TOX2: variants seen among roughly 807,000 people sequenced by gnomAD.
TOX2 encodes the protein TOX high mobility group box family member 2.
A neutral mutation model predicts 47.4 loss-of-function variants in TOX2; 15 were observed. The ratio of observed to expected loss-of-function variants is 0.32; its 90% CI spans 0.21 to 0.49. TOX2 has a LOEUF of 0.49. Ranked by LOEUF, TOX2 falls within the 20% of genes least tolerant of loss-of-function variation. TOX2 has a pLI of 0.99. For missense variants in TOX2, 622 were observed against 673.1 expected, an observed-to-expected ratio of 0.92 and a Z score of 0.84; for synonymous variants, 290 against 296.6, an observed-to-expected ratio of 0.98 and a Z score of 0.23.
chr20:44,024,909 CAGTG>C (rs2071036230), intron 3 of TOX2, among the ~76,000 whole-genome samples: 1 of 152,070 alleles, frequency 6.6e-6, no homozygotes, highest in African/African-American at 2.4e-5. Context: ...CTGTACTTTC[CAGTG>C]TGTTCTATTG....
chr20:43,927,630 T>TCC (rs1569003481), intron 1 of TOX2, among the ~76,000 whole-genome samples: 2 of 127,198 alleles, frequency 1.6e-5, no homozygotes, highest in African/African-American at 6.1e-5. Context: ...CCTTCCTCCT[T>TCC]CCTTCCTTCC....
intron 2 of TOX2, among the ~76,000 whole-genome samples, chr20:43,991,862 T>G (rs897488101): frequency 1.3e-4 from 20 of 152,162 alleles, no homozygotes; most frequent in African/African-American, 4.6e-4. Context: ...AACGCTGGTC[T>G]TGAACTCCTG....
chr20:43,959,096 G>A (rs948969424), intron 1 of TOX2, among the ~76,000 whole-genome samples: 1 of 152,222 alleles, frequency 6.6e-6, no homozygotes, highest in Non-Finnish European at 1.5e-5. Flanking sequence ...GTGGCTCTCT[G>A]CCTGGGAAGG....
intron 1 of TOX2, among the ~76,000 whole-genome samples, chr20:43,959,240 A>G (rs2069717401): frequency 6.6e-6 from 1 of 152,220 alleles, no homozygotes; most frequent in Non-Finnish European, 1.5e-5. Flanking sequence ...GCCCACTGCC[A>G]TGCAGCAGCT....
intron 1 of TOX2, among the ~76,000 whole-genome samples, chr20:43,967,397 G>A (rs2069875776): frequency 6.6e-6 from 1 of 152,128 alleles, no homozygotes; most frequent in Non-Finnish European, 1.5e-5. Flanking sequence ...TGTGAATCGA[G>A]TGAGAAGGAA....
intron 4 of TOX2, among the ~76,000 whole-genome samples, chr20:44,052,639 A>G (rs146129097): frequency 6.6e-6 from 1 of 152,340 alleles, no homozygotes; most frequent in Non-Finnish European, 1.5e-5. Flanking sequence ...TGCTCTAAAC[A>G]CATAACAAGT....
chr20:44,037,045 C>T (rs184592816), intron 3 of TOX2, among the ~76,000 whole-genome samples: 1 of 152,328 alleles, frequency 6.6e-6, no homozygotes, highest in African/African-American at 2.4e-5. Flanking sequence ...ACCTCTACCT[C>T]CCGGGTTCAA....
intron 3 of TOX2, among the ~76,000 whole-genome samples, chr20:44,012,188 C>T (rs772408548): frequency 2.0e-5 from 3 of 152,152 alleles, no homozygotes; most frequent in African/African-American, 7.2e-5. Flanking sequence ...CAAAGAAACT[C>T]GAAGAGTGGA....
At chr20:44,045,481 C>G (rs1279841785) in intron 3 of TOX2, among the ~76,000 whole-genome samples, 1 of 152,210 alleles carries the variant, frequency 6.6e-6, no homozygotes, top group African/African-American at 2.4e-5. Context: ...CAGTTTTCCA[C>G]ACTGTGTGTA....
At chr20:44,066,223 C>G in intron 7 of TOX2, 116 bp downstream of exon 7, 1 of 1,142,466 alleles carries the variant, frequency 8.8e-7, no homozygotes, top group South Asian at 1.7e-5. Context: ...GCCTTGGCAC[C>G]TGACCTCTCT....
chr20:43,961,350 A>AG (rs775381856), intron 1 of TOX2, among the ~76,000 whole-genome samples: 1 of 152,054 alleles, frequency 6.6e-6, no homozygotes, highest in Non-Finnish European at 1.5e-5. Flanking sequence ...GATGGGTGGG[A>AG]GGCAGCCTGG....
At chr20:44,065,515 A>T (rs2071797297) in intron 6 of TOX2, among the ~76,000 whole-genome samples, 197 bp from the exon 7 acceptor site, 1 of 152,194 alleles carries the variant, frequency 6.6e-6, no homozygotes. Context: ...CCCCCCAAAG[A>T]TAAAAGCAGT....
At chr20:43,945,965 G>A (rs755898929) in intron 1 of TOX2, 3 of 1,613,992 alleles carry the variant, frequency 1.9e-6, no homozygotes, top group Admixed American at 1.7e-5. Context: ...CGCTGCCTGG[G>A]CTTCTGTGGA....
rs761004211 is a variant in TOX2, at chr20:44,068,762, G to T, written c.*76G>T. ...CTGAAGGGCTGACAGCAGAAAAGAGGCCCTGGCCAGAGGCAGGGTGGCCCA... is the reference window on the plus strand; with the variant it reads ...CTGAAGGGCTGACAGCAGAAAAGAGTCCCTGGCCAGAGGCAGGGTGGCCCA... On this transcript the variant is annotated 3_prime_UTR_variant, in exon 9 of 9. Transcript: ENST00000341197. 53 of 1,595,260 alleles carry T rather than the reference G, an allele frequency of 3.3e-5. No homozygotes were observed. The highest frequency in any genetic ancestry group is 4.4e-5 in the Non-Finnish European group (51 of 1,167,934).
intron 1 of TOX2, among the ~76,000 whole-genome samples, chr20:43,957,115 A>G (rs2069681208): frequency 6.6e-6 from 1 of 152,250 alleles, no homozygotes; most frequent in African/African-American, 2.4e-5. Flanking sequence ...TCGAGGGCTG[A>G]AGAAGTTATC....
chr20:43,927,506 C>CACACAT (rs1555829359), intron 1 of TOX2, among the ~76,000 whole-genome samples: 1 of 126,662 alleles, frequency 7.9e-6, no homozygotes, highest in Non-Finnish European at 1.6e-5. Flanking sequence ...CACACACACA[C>CACACAT]ACACATCATG....
At chr20:43,975,785 CTG>C (rs1231835690) in intron 2 of TOX2, among the ~76,000 whole-genome samples, 1 of 152,142 alleles carries the variant, frequency 6.6e-6, no homozygotes, top group Non-Finnish European at 1.5e-5. Context: ...CCACCCTAAA[CTG>C]TGACCACCAT....
intron 3 of TOX2, among the ~76,000 whole-genome samples, chr20:44,011,641 T>C (rs115308201): frequency 0.012 from 1,812 of 152,360 alleles, 35 homozygotes; most frequent in African/African-American, 0.041. Context: ...ATGGTGCGGC[T>C]GGGCTGCAGG....
At chr20:44,040,328 G>C in intron 3 of TOX2, among the ~76,000 whole-genome samples, 1 of 152,212 alleles carries the variant, frequency 6.6e-6, no homozygotes, top group East Asian at 1.9e-4. Flanking sequence ...CCAGCGTTTA[G>C]TGGGTGGGCT....
Sources: gnomAD v4.1 joint callset for allele counts (sites outside exome capture counted in the v4.1 genomes callset) on GRCh38, gnomAD v4.1.1 for gene constraint, MANE v1.5 for transcripts, NCBI Gene and HGNC (gene_info 2026-07-23, HGNC 2026-07-21) for gene names.